Variants in MAP3K14 observed in about 807,000 individuals in gnomAD.
MAP3K14 encodes the protein mitogen-activated protein kinase kinase kinase 14.
Under a neutral mutation model 99.2 loss-of-function variants are expected in MAP3K14, and 16 were observed. The observed-to-expected ratio is 0.16, with a 90% CI of 0.11 to 0.24. The LOEUF is 0.24. Among genes scored for constraint, MAP3K14 ranks in the 10% least tolerant of loss-of-function variants. The probability of loss-of-function intolerance (pLI) is 1.00; values close to 1 mark genes in which losing one functional copy is unlikely to be tolerated. For missense variants in MAP3K14, 784 were observed against 1,208.7 expected, an observed-to-expected ratio of 0.65 and a Z score of 5.21; for synonymous variants, 462 against 492.4, an observed-to-expected ratio of 0.94 and a Z score of 0.82.
intron 1 of MAP3K14, among the ~76,000 whole-genome samples, chr17:45,311,465 C>G (rs549052308): frequency 6.6e-6 from 1 of 152,326 alleles, no homozygotes; most frequent in East Asian, 1.9e-4. Context: ...CTGCACTAGT[C>G]CAGAACAGTG....
chr17:45,265,284 TAGTC>T (rs752296222), intron 14 of MAP3K14, 21 bp from the exon 15 acceptor site: 52 of 1,539,442 alleles, frequency 3.4e-5, no homozygotes, highest in Admixed American at 1.2e-4. Flanking sequence ...GACAAGGTGA[TAGTC>T]AGGAGAGCGG....
chr17:45,313,517 G>A (rs181083079), intron 1 of MAP3K14, among the ~76,000 whole-genome samples: 3 of 152,260 alleles, frequency 2.0e-5, no homozygotes, highest in East Asian at 1.9e-4. Flanking sequence ...CAGGCAGGCC[G>A]TGGCAGACCT....
intron 1 of MAP3K14, among the ~76,000 whole-genome samples, chr17:45,295,132 A>G (rs1029302864): frequency 1.3e-5 from 2 of 152,222 alleles, no homozygotes; most frequent in African/African-American, 4.8e-5. Flanking sequence ...TTTAGAATAT[A>G]TCATATTTCA....
intron 1 of MAP3K14, among the ~76,000 whole-genome samples, chr17:45,296,305 A>C (rs2044346117): frequency 6.6e-6 from 1 of 152,074 alleles, no homozygotes; most frequent in Non-Finnish European, 1.5e-5. Context: ...CAGGAGGATC[A>C]CTTGAGACCA....
intron 1 of MAP3K14, among the ~76,000 whole-genome samples, chr17:45,295,406 A>G (rs2044339562): frequency 6.6e-6 from 1 of 152,146 alleles, no homozygotes; most frequent in Non-Finnish European, 1.5e-5. Flanking sequence ...CCTCTACAAA[A>G]TCCCTAGTTC....
chr17:45,316,361 A>G (rs754320959), intron 1 of MAP3K14, among the ~76,000 whole-genome samples: 5 of 152,210 alleles, frequency 3.3e-5, no homozygotes, highest in African/African-American at 4.8e-5. Context: ...ACCGACAGAT[A>G]AAGTCCCGAG....
chr17:45,265,015 C>G, intron 15 of MAP3K14, 148 bp downstream of exon 15: 1 of 804,910 alleles, frequency 1.2e-6, no homozygotes, highest in South Asian at 1.7e-5. Context: ...CTGGGAAATG[C>G]TTTGAGGTCC....
chr17:45,267,010 G>T lies in MAP3K14; in HGVS notation c.2433+82C>A. The T allele has an allele frequency of 9.6e-7, 1 of 1,046,036 alleles. No individual in the cohort carries two copies. The highest frequency in any genetic ancestry group is 1.4e-6 in the Non-Finnish European group (1 of 692,962). The allele number at this position is 1,046,036 out of a possible 1,614,324, so 64.8% of individuals were successfully genotyped here. On this transcript the variant is annotated intron_variant, in intron 13 of 15. Coordinates refer to ENST00000344686, the MANE Select transcript of MAP3K14 (RefSeq NM_003954.5). The surrounding 1 kb of genome is among the most constrained non-coding windows in gnomAD (Gnocchi z 5.1). ...CTTGCACAGTGTCCATTCACTAGCTGGACGCAAAGCTACTTGCTCTGTGCC... is the reference window on the plus strand; with the variant it reads ...CTTGCACAGTGTCCATTCACTAGCTTGACGCAAAGCTACTTGCTCTGTGCC...
chr17:45,271,888 C>G (rs955879291), intron 9 of MAP3K14, among the ~76,000 whole-genome samples: 1 of 152,076 alleles, frequency 6.6e-6, no homozygotes. Context: ...GTAAGAAATA[C>G]TAGTAAGTGA....
chr17:45,309,625 G>T (rs549733803), intron 1 of MAP3K14, among the ~76,000 whole-genome samples: 2 of 152,156 alleles, frequency 1.3e-5, no homozygotes, highest in Admixed American at 6.5e-5. Flanking sequence ...ACAGGGACAC[G>T]TGTCCACACT....
chr17:45,307,568 G>A (rs1184484616), intron 1 of MAP3K14, among the ~76,000 whole-genome samples: 1 of 152,074 alleles, frequency 6.6e-6, no homozygotes, highest in Non-Finnish European at 1.5e-5. Flanking sequence ...AACCTTTTGG[G>A]GTGGATTCTG....
intron 1 of MAP3K14, among the ~76,000 whole-genome samples, chr17:45,296,140 G>A (rs2143842079): frequency 6.6e-6 from 1 of 152,204 alleles, no homozygotes; most frequent in South Asian, 2.1e-4. Context: ...ATAAGATATT[G>A]GTTGAAAACC....
chr17:45,290,861 G>C, intron 1 of MAP3K14, 96 bp from the exon 2 acceptor site: 1 of 1,205,104 alleles, frequency 8.3e-7, no homozygotes, highest in Non-Finnish European at 1.2e-6. Context: ...AGGGGCAAAG[G>C]GTCTCTGCCT....
chr17:45,305,530 G>C (rs1366980361), intron 1 of MAP3K14, among the ~76,000 whole-genome samples: 2 of 151,914 alleles, frequency 1.3e-5, no homozygotes, highest in Non-Finnish European at 1.5e-5. Context: ...CAAGTGGCTG[G>C]GATTACAGGC....
At chr17:45,311,456 T>A (rs2044478354) in intron 1 of MAP3K14, among the ~76,000 whole-genome samples, 1 of 152,222 alleles carries the variant, frequency 6.6e-6, no homozygotes, top group African/African-American at 2.4e-5. Flanking sequence ...CAACACCAAC[T>A]GCACTAGTCC....
intron 1 of MAP3K14, among the ~76,000 whole-genome samples, chr17:45,306,215 T>C (rs2044428811): frequency 1.3e-5 from 2 of 152,144 alleles, no homozygotes; most frequent in Admixed American, 1.3e-4. Context: ...GGCCAAGTAA[T>C]TTGCCCAAGG....
rs1486385764 is a variant in MAP3K14, at chr17:45,286,468, G to T, written c.1115C>A (p.Pro372His). 1 of 1,601,868 alleles carries T rather than the reference G, an allele frequency of 6.2e-7. No individual in the cohort carries two copies. Among genetic ancestry groups the T allele is most frequent in the African/African-American group, 1.3e-5 (1 of 74,688 alleles). ...GACACCCTCGTTGTCCTCAGTTTTG[G>T]GGCTGGGCTCCCGGGATCTGGAGCC... ...ARGSRSREPS[P>H]KTEDNEGVLL... is the part of the protein sequence containing the mutation. The change falls in exon 5 of 16, where the codon CCC becomes CAC. Residue 372 changes from proline (P) to histidine (H), a missense_variant. By Grantham distance (77) the Pro-to-His change is moderately conservative. Transcript: ENST00000344686. The surrounding 1 kb of genome is among the most constrained non-coding windows in gnomAD (Gnocchi z 4.1).
At position 45,267,055 on chromosome 17, in the gene MAP3K14, C is replaced by T; in HGVS notation, c.2433+37G>A. On this transcript the variant is annotated intron_variant, in intron 13 of 15. Coordinates refer to ENST00000344686, the MANE Select transcript of MAP3K14 (RefSeq NM_003954.5). This position sits in a 1 kb window ranked among gnomAD's most constrained non-coding sequence, Gnocchi z 5.1. ...TGTGCCAGGGCCGGGAAAACCACAC[C>T]CCTGGAGCCATGGCTCCGGGGCCAC... The T allele has an allele frequency of 4.8e-6, 7 of 1,472,212 alleles. No individual in the cohort carries two copies. Among genetic ancestry groups the T allele is most frequent in the Non-Finnish European group, 6.5e-6 (7 of 1,074,356 alleles). 91.2% of individuals were successfully genotyped at this position (1,472,212 alleles called of 1,614,324 possible). A position where few individuals can be genotyped will look rare whatever the true frequency, so the allele number is the denominator to read the frequency against.
At chr17:45,316,672 G>A (rs2044536587) in intron 1 of MAP3K14, among the ~76,000 whole-genome samples, 1 of 152,112 alleles carries the variant, frequency 6.6e-6, no homozygotes, top group African/African-American at 2.4e-5. Context: ...TAGTGAAGGG[G>A]AAGCAGGCGG....
Sources: allele counts gnomAD v4.1 joint callset (sites outside exome capture counted in the v4.1 genomes callset), GRCh38; gene constraint gnomAD v4.1.1; non-coding constraint Gnocchi (gnomAD v3.1); transcripts MANE v1.5; gene names NCBI Gene and HGNC (gene_info 2026-07-23, HGNC 2026-07-21).